LCT: variants seen among roughly 807,000 people sequenced by gnomAD.
LCT encodes lactase.
LCT carries 90 observed loss-of-function variants against 173.0 expected under a neutral mutation model. The observed-to-expected ratio is 0.52, with a 90% CI of 0.44 to 0.62. The LOEUF is 0.62. Among genes scored for constraint, LCT ranks in the 20% least tolerant of loss-of-function variants. The pLI, the probability that LCT is intolerant of heterozygous loss-of-function variation, is 0.00. For missense variants in LCT, 1,864 were observed against 2,431.4 expected (o/e 0.77, Z 4.91); for synonymous variants, 853 against 957.6 (o/e 0.89, Z 2.02).
chr2:135,797,237 C>T (rs1488342583), intron 13 of LCT, among the ~76,000 whole-genome samples: 2 of 152,090 alleles, frequency 1.3e-5, no homozygotes, highest in Admixed American at 6.6e-5. Context: ...TGTGAGCCAC[C>T]GCACCCGGCC....
chr2:135,809,253 C>T lies in LCT; in HGVS notation c.3094G>A (p.Gly1032Ser), dbSNP rs565913219. 219 of 1,614,226 alleles carry T rather than the reference C, an allele frequency of 1.4e-4. 2 individuals are homozygous for T. The highest frequency in any genetic ancestry group is 1.1e-3 in the South Asian group (100 of 91,084). ...DLPQALQDIG[G>S]WENPALIDLF... ...TCAATCAAGGCAGGATTCTCCCAGC[C>T]TCCGATATCCTGGAGGGCCTGGGGC... Residue 1032 changes from glycine (G) to serine (S), a missense_variant, in exon 8 of 17, where the codon GGC (glycine) becomes AGC (serine). Coordinates refer to ENST00000264162, the MANE Select transcript of LCT (RefSeq NM_002299.4). This position sits in a 1 kb window ranked among gnomAD's most constrained non-coding sequence, Gnocchi z 5.5.
chr2:135,834,975 C>T (rs2077973956), intron 1 of LCT, among the ~76,000 whole-genome samples: 1 of 151,848 alleles, frequency 6.6e-6, no homozygotes, highest in South Asian at 2.1e-4. Context: ...TAAATGATTA[C>T]AACTTTTCTG....
chr2:135,807,154 A>G lies in LCT; in HGVS notation c.4147T>C (p.Trp1383Arg). ...LYGRFPEGFI[W>R]SAASAAYQIE... ...TGATATGCAGCAGAAGCTGCACTCC[A>G]GATGAAGCCCTCAGGAAACCGTCCG... is the stretch of plus-strand genomic sequence containing the variant. The change falls in exon 9 of 17, where the codon TGG becomes CGG. Residue 1383 changes from tryptophan (W) to arginine (R), a missense_variant. Physicochemically the swap from Trp to Arg is moderately radical, Grantham distance 101. Around this residue, in one of 4 missense-constraint regions of LCT, gnomAD observed 514 missense variants for 750.1 expected, o/e 0.69. Transcript: ENST00000264162. The G allele has an allele frequency of 6.2e-7, 1 of 1,614,206 alleles. No individual in the cohort carries two copies. The highest frequency in any genetic ancestry group is 8.5e-7 in the Non-Finnish European group (1 of 1,180,022).
intron 3 of LCT, among the ~76,000 whole-genome samples, chr2:135,824,251 G>T (rs2077864090): frequency 6.6e-6 from 1 of 152,174 alleles, no homozygotes; most frequent in Non-Finnish European, 1.5e-5. Context: ...GGCTTACAGG[G>T]CACCTCTTAG....
rs1158620010 is a variant in LCT, at chr2:135,803,831, C to T, written c.4663+99G>A. 5 of 1,091,860 alleles carry T rather than the reference C, an allele frequency of 4.6e-6. No homozygotes were observed. The East Asian group carries it at 1.0e-4, about 22-fold the overall frequency. 67.6% of individuals were successfully genotyped at this position (1,091,860 alleles called of 1,614,324 possible). ...AAGAGGCAGGGTTTCTGCCATGGGG[C>T]TTTCTTGGTTGCCTCGTCCTGTGCC... is the stretch of plus-strand genomic sequence containing the variant. On this transcript the variant is annotated intron_variant, in intron 11 of 16. Transcript: ENST00000264162.
intron 14 of LCT, among the ~76,000 whole-genome samples, chr2:135,791,681 G>A (rs1293948657): frequency 6.6e-6 from 1 of 152,184 alleles, no homozygotes; most frequent in African/African-American, 2.4e-5. Context: ...GCTCATAAGA[G>A]GGAGGGAGAA....
chr2:135,827,348 T>A (rs946185463), intron 3 of LCT, among the ~76,000 whole-genome samples: 1 of 152,212 alleles, frequency 6.6e-6, no homozygotes, highest in African/African-American at 2.4e-5. Context: ...CTCACCACCT[T>A]GGTTAAATTG....
chr2:135,788,655 CG>C, intron 16 of LCT, 111 bp from the exon 17 acceptor site: 1 of 767,020 alleles, frequency 1.3e-6, no homozygotes, highest in Admixed American at 1.9e-5. Context: ...CAGCCATTGA[CG>C]GGATGCCGAG....
chr2:135,804,731 T>C, intron 10 of LCT, 36 bp downstream of exon 10: 1 of 1,603,564 alleles, frequency 6.2e-7, no homozygotes, highest in South Asian at 1.1e-5. Flanking sequence ...TTCCTGCATG[T>C]GGACTTTCCC....
rs750409138 is a variant in LCT, at chr2:135,789,618, C to T, written c.5516G>A (p.Gly1839Asp). 9 of 1,613,992 alleles carry T rather than the reference C, an allele frequency of 5.6e-6. No individual in the cohort carries two copies. The highest frequency in any genetic ancestry group is 1.1e-5 in the South Asian group (1 of 91,080). ...AGGCCCTGTAGCGGGGTCAGGGAAG[C>T]CATTGCATCGGACCACAGAGGCGTA... is the stretch of plus-strand genomic sequence containing the variant. ...KFYASVVRCN[G>D]FPDPATGPHA... Residue 1839 changes from glycine to aspartate, a missense_variant, in exon 16 of 17, where the codon GGC becomes GAC. By Grantham distance (94) the Gly-to-Asp change is moderately conservative. Around this residue, in one of 4 missense-constraint regions of LCT, gnomAD observed 514 missense variants for 750.1 expected, o/e 0.69. Coordinates refer to ENST00000264162, the MANE Select transcript of LCT (RefSeq NM_002299.4).
At chr2:135,794,525 G>C (rs1423440723) in intron 14 of LCT, 116 bp downstream of exon 14, 6 of 1,112,126 alleles carry the variant, frequency 5.4e-6, no homozygotes, top group Non-Finnish European at 8.2e-6. Flanking sequence ...GCAAACCCCG[G>C]CACATTCGGC....
Position 135,790,593 on chromosome 2 carries a change from C to A in LCT, c.5335+65G>T. The A allele has an allele frequency of 2.9e-6, 3 of 1,034,846 alleles. No homozygotes were observed. The highest frequency in any genetic ancestry group is 1.3e-5 in the South Asian group (1 of 77,498). 64.1% of individuals were successfully genotyped at this position (1,034,846 alleles called of 1,614,324 possible). ...TGGCCCAAGGACGCTGTATCACACTCCTGCAAATAGCAGATGTTTCCAACA... is the reference window on the plus strand; with the variant it reads ...TGGCCCAAGGACGCTGTATCACACTACTGCAAATAGCAGATGTTTCCAACA... On this transcript the variant is annotated intron_variant, in intron 15 of 16. Coordinates refer to ENST00000264162, the MANE Select transcript of LCT (RefSeq NM_002299.4). The surrounding 1 kb of genome is among the most constrained non-coding windows in gnomAD (Gnocchi z 4.1).
chr2:135,807,322 C>A lies in LCT; in HGVS notation c.3979G>T (p.Gly1327Cys). 1 of 1,614,140 alleles carries A rather than the reference C, an allele frequency of 6.2e-7. No homozygotes were observed. The highest frequency in any genetic ancestry group is 8.5e-7 in the Non-Finnish European group (1 of 1,180,010). ...SLMDNFEWLN[G>C]YTVKFGLYHV... ...TACAGTCCAAACTTGACCGTGTAGCCATTTAGCCACTCAAAGTTGTCCATC... is the reference window on the plus strand; with the variant it reads ...TACAGTCCAAACTTGACCGTGTAGCAATTTAGCCACTCAAAGTTGTCCATC... The change falls in exon 9 of 17, where the codon GGC becomes TGC. Residue 1327 changes from glycine (G) to cysteine (C), a missense_variant. Around this residue, in one of 4 missense-constraint regions of LCT, gnomAD observed 755 missense variants for 926.3 expected, o/e 0.82. Transcript: ENST00000264162.
intron 14 of LCT, among the ~76,000 whole-genome samples, chr2:135,791,302 C>CT (rs2077531486): frequency 6.6e-6 from 1 of 152,266 alleles, no homozygotes. Flanking sequence ...GTCAATGCCA[C>CT]TTGCAGACCA....
chr2:135,806,952 T>G (rs987648377), intron 9 of LCT, among the ~76,000 whole-genome samples, 176 bp downstream of exon 9: 1 of 152,030 alleles, frequency 6.6e-6, no homozygotes, highest in African/African-American at 2.4e-5. Context: ...CTGGGTAAAT[T>G]TGGGGGTGTG....
In LCT at chr2:135,833,076, C is replaced by T. The variant is rs751687218; in HGVS notation, c.720+35G>A. 8 of 1,470,260 alleles carry T rather than the reference C, an allele frequency of 5.4e-6. No individual in the cohort carries two copies. The South Asian group carries it at 7.9e-5, about 15-fold the overall frequency. The allele number at this position is 1,470,260 out of a possible 1,614,324, so 91.1% of individuals were successfully genotyped here. ...TAAAAAATTAAAATCAAACTCTCCT[C>T]AGATGTTACAGGTATATTTTTGGGC... On this transcript the variant is annotated intron_variant, in intron 2 of 16. Transcript: ENST00000264162.
rs138699335 is a variant in LCT at position 135,788,610 on chromosome 2, C to A, written c.5564-66G>T. ...GATTTGAGTTCTCAGATCTCTGAGA[C>A]CCCAGCAGAGGCTGCACGGTACCCC... On this transcript the variant is annotated intron_variant, in intron 16 of 16. Coordinates refer to ENST00000264162, the MANE Select transcript of LCT (RefSeq NM_002299.4). 553 of 1,036,704 alleles carry A rather than the reference C, an allele frequency of 5.3e-4. 2 individuals carry two copies. In the African/African-American group the frequency reaches 7.5e-3, roughly 14 times the overall value. 64.2% of individuals were successfully genotyped at this position (1,036,704 alleles called of 1,614,324 possible).
chr2:135,828,375 C>T (rs78819792), intron 3 of LCT, among the ~76,000 whole-genome samples: 33 of 152,216 alleles, frequency 2.2e-4, no homozygotes, highest in Admixed American at 1.7e-3. Context: ...TCCTTGGTGA[C>T]GGAGATGGTG....
rs1169413119 is a variant in LCT at position 135,808,603 on chromosome 2, A to C, written c.3744T>G (p.Ala1248=). 1 of 1,614,104 alleles carries C rather than the reference A, an allele frequency of 6.2e-7. No homozygotes were observed. The highest frequency in any genetic ancestry group is 8.5e-7 in the Non-Finnish European group (1 of 1,180,038). The change falls in exon 8 of 17, where the codon GCT becomes GCG. Residue 1248 remains alanine (A), a synonymous_variant. Transcript: ENST00000264162. ...PSWPSTAMNR[A]APWGTRRLLN... ...GCAGCCTTCGCGTCCCCCAGGGCGC[A>C]GCTCTGTTCATTGCCGTGGAAGGCC...
Sources: allele counts gnomAD v4.1 joint callset (sites outside exome capture counted in the v4.1 genomes callset), GRCh38; gene constraint gnomAD v4.1.1; regional missense constraint gnomAD v4.1.1; non-coding constraint Gnocchi (gnomAD v3.1); transcripts MANE v1.5; gene names NCBI Gene and HGNC (gene_info 2026-07-23, HGNC 2026-07-21).